Variants in RABL6 observed in about 807,000 individuals in gnomAD.
RABL6 encodes the protein rab-like protein 6.
A neutral mutation model predicts 72.9 loss-of-function variants in RABL6; 28 were observed. That is an observed-to-expected ratio of 0.38 (90% CI 0.28 to 0.53). The LOEUF (loss-of-function observed/expected upper bound fraction) is 0.53, where lower values mean the gene tolerates loss of function less well. Ranked by LOEUF, RABL6 falls within the 20% of genes least tolerant of loss-of-function variation. RABL6 has a pLI of 0.80. For synonymous variants in RABL6, 477 were observed against 421.2 expected (o/e 1.13, Z -1.62); for missense variants, 1,029 against 1,008.4 (o/e 1.02, Z -0.28).
Position 136,823,643 on chromosome 9 carries a change from C to T in RABL6, c.249C>T (p.Ile83=), listed in dbSNP as rs1448243949. Reference sequence around the variant, plus strand: ...CACAGGAGATCCAGGTCACCAGCATCCACTGGAGCTACAAGAGTAAGTGTG... The same window carrying T: ...CACAGGAGATCCAGGTCACCAGCATTCACTGGAGCTACAAGAGTAAGTGTG... ...IPTQEIQVTS[I]HWSYKTTDDI... is the part of the protein sequence containing the mutation. Residue 83 remains isoleucine (I), a synonymous_variant, in exon 2 of 15, where the codon ATC becomes ATT. Coordinates refer to ENST00000311502, the MANE Select transcript of RABL6 (RefSeq NM_024718.5). The T allele has an allele frequency of 6.2e-7, 1 of 1,612,118 alleles. No homozygotes were observed. Among genetic ancestry groups the T allele is most frequent in the Non-Finnish European group, 8.5e-7 (1 of 1,178,756 alleles).
intron 8 of RABL6, 191 bp downstream of exon 8, chr9:136,836,036 CT>C: frequency 1.7e-6 from 1 of 583,366 alleles, no homozygotes; most frequent in Non-Finnish European, 3.1e-6. Context: ...ACAGTCACCC[CT>C]GGCGTGGACT....
intron 5 of RABL6, among the ~76,000 whole-genome samples, chr9:136,830,579 T>C (rs1270136888): frequency 6.6e-6 from 1 of 152,248 alleles, no homozygotes; most frequent in East Asian, 1.9e-4. Flanking sequence ...CTCCGGCCTC[T>C]CCTGTCTAGG....
chr9:136,836,822 G>T (rs1410233974), intron 8 of RABL6: 3 of 255,844 alleles, frequency 1.2e-5, no homozygotes, highest in Non-Finnish European at 2.3e-5. Context: ...GTGACTTTCA[G>T]GGGAGCTGGA....
At position 136,841,094 on chromosome 9, in the gene RABL6, T is replaced by TGC. The variant is rs1475738248; in HGVS notation, c.*575_*576dup. 3.6e-6 allele frequency: 5 copies of TGC among 1,373,382 alleles called. No individual in the cohort carries two copies. In the Admixed American group the frequency reaches 1.6e-4, roughly 45 times the overall value. The allele number at this position is 1,373,382 out of a possible 1,614,324, so 85.1% of individuals were successfully genotyped here. A position where few individuals can be genotyped will look rare whatever the true frequency, so the allele number is the denominator to read the frequency against. ...TTGTGTTTCCCACAGTGGCCTCAGCTGCGCCCCCGCTCAGGTGAGCCCGAA... is the reference window on the plus strand; with the variant it reads ...TTGTGTTTCCCACAGTGGCCTCAGCTGCGCGCCCCCGCTCAGGTGAGCCCGAA... On this transcript the variant is annotated 3_prime_UTR_variant, in exon 15 of 15. Transcript: ENST00000311502.
intron 7 of RABL6, chr9:136,834,347 G>C: frequency 1.0e-6 from 1 of 999,336 alleles, no homozygotes; most frequent in Non-Finnish European, 1.2e-6. Context: ...AGTTCTTCCA[G>C]TCGTCAGATA....
At chr9:136,822,194 T>G (rs1311589546) in intron 1 of RABL6, 2 of 861,070 alleles carry the variant, frequency 2.3e-6, no homozygotes, top group Non-Finnish European at 3.1e-6. Context: ...ACAGAAAACC[T>G]GGGGGGGGCG....
intron 1 of RABL6, chr9:136,821,220 T>G: frequency 2.9e-6 from 2 of 680,268 alleles, no homozygotes; most frequent in Non-Finnish European, 3.6e-6. Flanking sequence ...CCCGTAGGGT[T>G]GAGGAGCCGA....
intron 1 of RABL6, chr9:136,821,606 C>T: frequency 3.0e-6 from 3 of 987,344 alleles, no homozygotes; most frequent in Non-Finnish European, 3.6e-6. Flanking sequence ...TGGGCCGCGC[C>T]CGGGTTCCTG....
chr9:136,813,246 C>T (rs767512956), intron 1 of RABL6: 2 of 550,272 alleles, frequency 3.6e-6, no homozygotes, highest in Admixed American at 2.5e-5. Context: ...GAATTTAAAG[C>T]TGCTTTATCA....
Position 136,832,336 on chromosome 9 carries a change from A to G in RABL6, c.671A>G (p.His224Arg). The change falls in exon 7 of 15, where the codon CAT becomes CGT. Residue 224 changes from histidine to arginine, a missense_variant. Around this residue, in one of 2 missense-constraint regions of RABL6, gnomAD observed 434 missense variants for 536.1 expected, o/e 0.81. Transcript: ENST00000311502. ...MKNSFGLKYL[H>R]KFFNIPFLQL... ...AACAGCTTCGGCCTAAAGTACCTTCATAAGTTCTTCAATATCCCATTTTTG... is the reference window on the plus strand; with the variant it reads ...AACAGCTTCGGCCTAAAGTACCTTCGTAAGTTCTTCAATATCCCATTTTTG... 2 of 1,613,864 alleles carry G rather than the reference A, an allele frequency of 1.2e-6. No homozygotes were observed. Among genetic ancestry groups the G allele is most frequent in the Non-Finnish European group, 1.7e-6 (2 of 1,179,786 alleles).
chr9:136,808,996 A>G (rs1847941437), intron 1 of RABL6: 1 of 152,024 alleles, frequency 6.6e-6, no homozygotes. Context: ...CTTTGTTATA[A>G]ATTGTGTAAA....
intron 7 of RABL6, chr9:136,834,069 A>T: frequency 7.0e-7 from 1 of 1,434,152 alleles, no homozygotes; most frequent in Non-Finnish European, 9.2e-7. Flanking sequence ...TCCTTTTGCT[A>T]TGGATGTGTT....
At chr9:136,830,609 G>C (rs888344518) in intron 5 of RABL6, among the ~76,000 whole-genome samples, 1 of 152,280 alleles carries the variant, frequency 6.6e-6, no homozygotes, top group Admixed American at 6.5e-5. Context: ...AGCCTGGTGG[G>C]TGGGAAGTGG....
chr9:136,840,598 A>G lies in RABL6; in HGVS notation c.*76A>G. On this transcript the variant is annotated 3_prime_UTR_variant, in exon 15 of 15. Coordinates refer to ENST00000311502, the MANE Select transcript of RABL6 (RefSeq NM_024718.5). ...CTGGGGAGGCATTTGCCTCTGTACC[A>G]TCGCCTTTGCCGCTGCCCCGTGGCT... 1 of 1,549,502 alleles carries G rather than the reference A, an allele frequency of 6.5e-7. No homozygotes were observed. The highest frequency in any genetic ancestry group is 1.2e-5 in the South Asian group (1 of 84,030).
At chr9:136,831,396 A>T (rs1481838243) in intron 5 of RABL6, among the ~76,000 whole-genome samples, 1 of 152,176 alleles carries the variant, frequency 6.6e-6, no homozygotes, top group Non-Finnish European at 1.5e-5. Context: ...GGGTGGACAC[A>T]GATGAAGCCA....
intron 1 of RABL6, chr9:136,822,085 G>A: frequency 7.8e-7 from 1 of 1,288,694 alleles, no homozygotes; most frequent in Non-Finnish European, 1.0e-6. Context: ...AGGGGACTGG[G>A]CCAGGAGAGA....
At chr9:136,815,847 G>C (rs931834631) in intron 1 of RABL6, among the ~76,000 whole-genome samples, 1 of 152,228 alleles carries the variant, frequency 6.6e-6, no homozygotes, top group Non-Finnish European at 1.5e-5. Context: ...GCCTCAAATA[G>C]AGCTCTGTGT....
intron 1 of RABL6, among the ~76,000 whole-genome samples, chr9:136,811,932 A>G (rs887427929): frequency 2.6e-5 from 4 of 152,190 alleles, no homozygotes; most frequent in African/African-American, 9.6e-5. Context: ...AGTCTTTCAG[A>G]TGAAATTTGG....
chr9:136,834,124 G>A, intron 7 of RABL6: 1 of 1,315,252 alleles, frequency 7.6e-7, no homozygotes, highest in Non-Finnish European at 9.7e-7. Flanking sequence ...CGGGACCCCT[G>A]TTTCCTCTTT....
Sources: gnomAD v4.1 joint callset for allele counts (sites outside exome capture counted in the v4.1 genomes callset) on GRCh38, gnomAD v4.1.1 for gene constraint, gnomAD v4.1.1 regional missense constraint, MANE v1.5 for transcripts, NCBI Gene and HGNC (gene_info 2026-07-23, HGNC 2026-07-21) for gene names.